MALRD1: variants seen among roughly 807,000 people sequenced by gnomAD.
The protein encoded by MALRD1 is MAM and LDL-receptor class A domain-containing protein 1.
MALRD1 carries 247 observed loss-of-function variants against 242.1 expected under a neutral mutation model. The ratio of observed to expected loss-of-function variants is 1.02; its 90% CI spans 0.92 to 1.13. MALRD1 has a LOEUF of 1.13. Ranked by LOEUF, MALRD1 falls within the 50% of genes most tolerant of loss-of-function variation. The probability of loss-of-function intolerance (pLI) is 0.00; values close to 1 mark genes in which losing one functional copy is unlikely to be tolerated. For synonymous variants in MALRD1, 995 were observed against 866.6 expected (o/e 1.15, Z -2.60); for missense variants, 2,989 against 2,533.1 (o/e 1.18, Z -3.86).
intron 5 of MALRD1, among the ~76,000 whole-genome samples, chr10:19,122,648 G>C (rs1588576631): frequency 6.6e-6 from 1 of 152,110 alleles, no homozygotes; most frequent in East Asian, 1.9e-4. Flanking sequence ...TTGTCTGCAA[G>C]TGGTATGGGC....
intron 36 of MALRD1, among the ~76,000 whole-genome samples, chr10:19,648,354 A>G (rs575712165): frequency 2.6e-5 from 4 of 152,342 alleles, no homozygotes; most frequent in East Asian, 3.9e-4. Context: ...GGCCTATTCC[A>G]TAGATCATTA....
intron 24 of MALRD1, among the ~76,000 whole-genome samples, chr10:19,345,248 T>C (rs932917978): frequency 1.3e-5 from 2 of 152,152 alleles, no homozygotes; most frequent in African/African-American, 4.8e-5. Context: ...TAGCAGTGTT[T>C]ACATGAATGA....
chr10:19,256,457 G>A (rs533735623), intron 18 of MALRD1, among the ~76,000 whole-genome samples: 1 of 152,126 alleles, frequency 6.6e-6, no homozygotes, highest in South Asian at 2.1e-4. Context: ...TTTCACTCAT[G>A]ATGGTGGTGG....
intron 9 of MALRD1, among the ~76,000 whole-genome samples, chr10:19,134,164 G>A (rs775660311): frequency 3.3e-5 from 5 of 152,024 alleles, no homozygotes; most frequent in Non-Finnish European, 7.4e-5. Context: ...CTCCACTCTC[G>A]TTCACAGCTT....
chr10:19,068,726 C>T (rs943277993), intron 2 of MALRD1, among the ~76,000 whole-genome samples: 6 of 152,080 alleles, frequency 3.9e-5, no homozygotes, highest in African/African-American at 1.2e-4. Flanking sequence ...GAAAAATGGT[C>T]TGAATCCTGT....
intron 18 of MALRD1, among the ~76,000 whole-genome samples, chr10:19,243,060 TC>T (rs1838862616): frequency 7.1e-6 from 1 of 139,996 alleles, no homozygotes; most frequent in South Asian, 2.2e-4. Flanking sequence ...TTGTTTCTTT[TC>T]CCTTTTTTTT....
chr10:19,324,186 C>T, intron 22 of MALRD1, 81 bp downstream of exon 22: 1 of 1,340,076 alleles, frequency 7.5e-7, no homozygotes, highest in Non-Finnish European at 1.0e-6. Context: ...AAAATATATT[C>T]TGTTAATAAG....
chr10:19,397,359 A>G (rs1056640375), intron 28 of MALRD1, among the ~76,000 whole-genome samples: 2 of 152,096 alleles, frequency 1.3e-5, no homozygotes, highest in Admixed American at 6.6e-5. Flanking sequence ...TGTACCTGGT[A>G]TATTTCACTT....
intron 30 of MALRD1, among the ~76,000 whole-genome samples, chr10:19,495,924 A>G (rs1837694429): frequency 6.6e-6 from 1 of 152,318 alleles, no homozygotes; most frequent in South Asian, 2.1e-4. Flanking sequence ...GAGATTGCAA[A>G]CCTCATTTCA....
At chr10:19,569,673 A>G (rs947487020) in intron 33 of MALRD1, among the ~76,000 whole-genome samples, 1 of 146,954 alleles carries the variant, frequency 6.8e-6, no homozygotes, top group African/African-American at 2.5e-5. Context: ...ATTATTATAT[A>G]TTATATTATT....
At chr10:19,557,789 G>A (rs540966996) in intron 32 of MALRD1, among the ~76,000 whole-genome samples, 1 of 152,052 alleles carries the variant, frequency 6.6e-6, no homozygotes, top group African/African-American at 2.4e-5. Context: ...TTCCAAGTGA[G>A]CCTCTCAGTA....
At chr10:19,184,893 C>T (rs1463643218) in intron 14 of MALRD1, among the ~76,000 whole-genome samples, 1 of 152,092 alleles carries the variant, frequency 6.6e-6, no homozygotes, top group Non-Finnish European at 1.5e-5. Context: ...CAAATGTTTC[C>T]CCAAAACATT....
chr10:19,572,072 A>G (rs534779075), intron 33 of MALRD1, among the ~76,000 whole-genome samples: 91 of 152,280 alleles, frequency 6.0e-4, no homozygotes, highest in African/African-American at 1.8e-3. Flanking sequence ...TTTTCTTTCC[A>G]TGTAGAAGAT....
chr10:19,647,925 G>T (rs1482235450), intron 36 of MALRD1, among the ~76,000 whole-genome samples: 1 of 152,102 alleles, frequency 6.6e-6, no homozygotes, highest in Non-Finnish European at 1.5e-5. Context: ...AACTCAGGAG[G>T]TAAGTCCCAT....
intron 9 of MALRD1, among the ~76,000 whole-genome samples, chr10:19,134,290 T>C (rs1833240593): frequency 6.6e-6 from 1 of 152,190 alleles, no homozygotes; most frequent in South Asian, 2.1e-4. Context: ...TAGTAGAGTA[T>C]AGGCAAATGT....
chr10:19,386,592 C>A (rs541173405), intron 26 of MALRD1, among the ~76,000 whole-genome samples: 3 of 152,062 alleles, frequency 2.0e-5, no homozygotes, highest in Admixed American at 6.6e-5. Flanking sequence ...TAAATAACCT[C>A]ATTCCAAAGC....
chr10:19,624,308 A>G (rs1252280065), intron 36 of MALRD1, among the ~76,000 whole-genome samples: 1 of 152,182 alleles, frequency 6.6e-6, no homozygotes, highest in African/African-American at 2.4e-5. Context: ...ATACAATGGA[A>G]TGCAAAGGAA....
chr10:19,282,251 G>A (rs1177601759), intron 20 of MALRD1, among the ~76,000 whole-genome samples: 1 of 152,118 alleles, frequency 6.6e-6, no homozygotes, highest in Non-Finnish European at 1.5e-5. Flanking sequence ...TGAATGTCAT[G>A]ACTGAAAACA....
At chr10:19,196,068 G>A (rs1317623396) in intron 14 of MALRD1, among the ~76,000 whole-genome samples, 1 of 152,002 alleles carries the variant, frequency 6.6e-6, no homozygotes, top group East Asian at 1.9e-4. Flanking sequence ...CTTTTCTCCT[G>A]TACCCGAAGT....
Sources: gnomAD v4.1 joint callset for allele counts (sites outside exome capture counted in the v4.1 genomes callset) on GRCh38, gnomAD v4.1.1 for gene constraint, MANE v1.5 for transcripts, NCBI Gene and HGNC (gene_info 2026-07-23, HGNC 2026-07-21) for gene names.